The following S100Z variants were observed in gnomAD, a reference collection of about 807,000 sequenced individuals.
The protein encoded by S100Z is S100 calcium binding protein Z, also known as protein S100-Z.
A neutral mutation model predicts 8.5 loss-of-function variants in S100Z; 11 were observed. The observed-to-expected ratio is 1.30, with a 90% CI of 0.82 to 2.15. The LOEUF (loss-of-function observed/expected upper bound fraction) is 2.15, where lower values mean the gene tolerates loss of function less well. S100Z is among the 30% of genes most tolerant of loss of function. The pLI is 0.00. For missense variants in S100Z, 126 were observed against 117.9 expected, an observed-to-expected ratio of 1.07 and a Z score of -0.32; for synonymous variants, 34 against 43.8, an observed-to-expected ratio of 0.78 and a Z score of 0.89.
intron 4 of S100Z, among the ~76,000 whole-genome samples, chr5:76,897,164 T>C (rs537744683): frequency 1.1e-4 from 16 of 152,094 alleles, no homozygotes; most frequent in Non-Finnish European, 2.4e-4. Context: ...ATTTAAATTT[T>C]AGGATTGGCC....
intron 4 of S100Z, among the ~76,000 whole-genome samples, chr5:76,903,720 CTTTTTTTGTTGTTTTT>C (rs1744315347): frequency 6.8e-6 from 1 of 146,100 alleles, no homozygotes; most frequent in East Asian, 2.0e-4. Flanking sequence ...TCTTTGTTTT[CTTTTTTTGTTGTTTTT>C]TTTTTTTGAG....
At chr5:76,938,751 T>TA in the S100Z span, among the ~76,000 whole-genome samples, 2 of 152,208 alleles carry the variant, frequency 1.3e-5, no homozygotes, top group Non-Finnish European at 2.9e-5. Context: ...AATTAATTTT[T>TA]ATGTATGGTG....
intron 1 of S100Z, among the ~76,000 whole-genome samples, chr5:76,853,928 G>A (rs2150617948): frequency 6.6e-6 from 1 of 152,270 alleles, no homozygotes; most frequent in African/African-American, 2.4e-5. Flanking sequence ...ATGATAGTGA[G>A]TAAGTGAGGT....
chr5:76,850,587 C>A (rs1750700662), intron 1 of S100Z, among the ~76,000 whole-genome samples: 1 of 152,154 alleles, frequency 6.6e-6, no homozygotes, highest in Non-Finnish European at 1.5e-5. Context: ...GATTTCGCTT[C>A]TTTTTCCTGA....
chr5:76,907,726 C>G (rs757001840), intron 4 of S100Z, among the ~76,000 whole-genome samples: 1 of 152,112 alleles, frequency 6.6e-6, no homozygotes, highest in East Asian at 1.9e-4. Context: ...ATAGTGGTTG[C>G]CAAGTAGCCA....
At chr5:76,940,064 G>A in the S100Z span, among the ~76,000 whole-genome samples, 1 of 151,026 alleles carries the variant, frequency 6.6e-6, no homozygotes, top group African/African-American at 2.4e-5. Context: ...GGCTGAGGCA[G>A]GAGAATCACT....
At chr5:76,926,549 A>C (rs1745139778), downstream of S100Z, among the ~76,000 whole-genome samples, 1 of 152,154 alleles carries the variant, frequency 6.6e-6, no homozygotes, top group South Asian at 2.1e-4. Flanking sequence ...AGAAAGTCCT[A>C]TAGAGCCTGG....
chr5:76,912,115 T>C (rs1264710377), intron 4 of S100Z, among the ~76,000 whole-genome samples: 1 of 152,046 alleles, frequency 6.6e-6, no homozygotes, highest in East Asian at 1.9e-4. Flanking sequence ...GCTATCAAAA[T>C]AATACAAGGA....
intron 1 of S100Z, among the ~76,000 whole-genome samples, chr5:76,854,408 A>G (rs1042354253): frequency 6.6e-6 from 1 of 152,196 alleles, no homozygotes; most frequent in African/African-American, 2.4e-5. Context: ...TGAGGAACTT[A>G]TTGGGAACTG....
chr5:76,868,623 CTTTTT>C (rs35398110), intron 1 of S100Z, among the ~76,000 whole-genome samples: 6 of 122,832 alleles, frequency 4.9e-5, no homozygotes, highest in Admixed American at 8.9e-5. Flanking sequence ...AATTCAAACT[CTTTTT>C]TTTTTTTTTT....
intron 1 of S100Z, among the ~76,000 whole-genome samples, chr5:76,854,112 T>C (rs1750809925): frequency 6.6e-6 from 1 of 152,208 alleles, no homozygotes; most frequent in African/African-American, 2.4e-5. Flanking sequence ...TGTGAGCCCA[T>C]TAAACCTCTT....
At chr5:76,859,509 A>G (rs963102670) in intron 1 of S100Z, among the ~76,000 whole-genome samples, 3 of 152,060 alleles carry the variant, frequency 2.0e-5, no homozygotes, top group African/African-American at 7.2e-5. Flanking sequence ...GGCCGGGGGC[A>G]GTGGCTCACG....
chr5:76,937,089 C>T, the S100Z span, among the ~76,000 whole-genome samples: 4 of 152,168 alleles, frequency 2.6e-5, no homozygotes, highest in Non-Finnish European at 5.9e-5. Context: ...GACCTTTCCA[C>T]TCAGGTCCAG....
downstream of S100Z, among the ~76,000 whole-genome samples, chr5:76,922,745 G>C (rs969086728): frequency 6.6e-6 from 1 of 152,056 alleles, no homozygotes; most frequent in South Asian, 2.1e-4. Flanking sequence ...GGATGGTCTT[G>C]ATCTCCTGAC....
downstream of S100Z, among the ~76,000 whole-genome samples, chr5:76,925,254 G>C (rs1296368118): frequency 1.3e-5 from 2 of 152,032 alleles, no homozygotes; most frequent in Non-Finnish European, 2.9e-5. Flanking sequence ...ACGTTCTATT[G>C]GTCGTACACA....
the S100Z span, among the ~76,000 whole-genome samples, chr5:76,930,310 C>T: frequency 6.6e-6 from 1 of 152,200 alleles, no homozygotes; most frequent in African/African-American, 2.4e-5. Flanking sequence ...TGCTTATGCT[C>T]AGGCGTGGGC....
At chr5:76,855,494 T>C (rs77517580) in intron 1 of S100Z, among the ~76,000 whole-genome samples, 1 of 152,136 alleles carries the variant, frequency 6.6e-6, no homozygotes, top group Admixed American at 6.5e-5. Flanking sequence ...AGAGATTATT[T>C]TGGAGCTTTA....
chr5:76,898,956 A>G (rs1257236144), intron 4 of S100Z, among the ~76,000 whole-genome samples: 51 of 102,752 alleles, frequency 5.0e-4, no homozygotes, highest in African/African-American at 1.7e-3. Flanking sequence ...TTTTTTTGAG[A>G]CAGAATTTTG....
At chr5:76,937,689 G>A in the S100Z span, among the ~76,000 whole-genome samples, 2 of 140,498 alleles carry the variant, frequency 1.4e-5, no homozygotes, top group African/African-American at 2.7e-5. Context: ...GGAGGTCGAT[G>A]CTGCAGTAAG....
Sources: gnomAD v4.1 joint callset for allele counts (sites outside exome capture counted in the v4.1 genomes callset) on GRCh38, gnomAD v4.1.1 for gene constraint, MANE v1.5 for transcripts, NCBI Gene and HGNC (gene_info 2026-07-23, HGNC 2026-07-21) for gene names.